Variants in ADARB2 observed in about 807,000 individuals in gnomAD.
The protein encoded by ADARB2 is inactive double-stranded RNA-specific editase B2.
In ADARB2, 25 loss-of-function variants were observed where a neutral mutation model predicts 62.2. The observed-to-expected ratio is 0.40, with a 90% confidence interval of 0.29 to 0.56. The LOEUF (loss-of-function observed/expected upper bound fraction) is 0.56. Ranked by LOEUF, ADARB2 falls within the 20% of genes least tolerant of loss-of-function variation. The probability of loss-of-function intolerance (pLI) is 0.43; values close to 1 mark genes in which losing one functional copy is unlikely to be tolerated. For missense variants in ADARB2, 1,071 were observed against 1,077.4 expected (o/e 0.99, Z 0.08); for synonymous variants, 572 against 500.8 (o/e 1.14, Z -1.90).
intron 1 of ADARB2, among the ~76,000 whole-genome samples, chr10:1,735,307 T>A (rs1835287503): frequency 6.6e-6 from 1 of 152,210 alleles, no homozygotes; most frequent in African/African-American, 2.4e-5. Context: ...ATGAAGTCTT[T>A]CCCCAGATTT....
chr10:1,325,137 C>T (rs1831832770), intron 3 of ADARB2, among the ~76,000 whole-genome samples: 1 of 152,190 alleles, frequency 6.6e-6, no homozygotes, highest in Non-Finnish European at 1.5e-5. Flanking sequence ...GTGTCTGCTC[C>T]ACATGCTGCT....
intron 6 of ADARB2, among the ~76,000 whole-genome samples, chr10:1,227,137 C>A (rs1368517337): frequency 6.6e-6 from 1 of 152,246 alleles, no homozygotes; most frequent in Non-Finnish European, 1.5e-5. Flanking sequence ...CTCACTGCCG[C>A]CTTGCAGTTT....
At chr10:1,187,475 G>C (rs1461265703) in intron 8 of ADARB2, among the ~76,000 whole-genome samples, 6 of 152,270 alleles carry the variant, frequency 3.9e-5, no homozygotes, top group Non-Finnish European at 8.8e-5. Flanking sequence ...GAGGTGCCAA[G>C]CTGCAAAGTC....
chr10:1,216,751 A>T (rs1371655196), intron 7 of ADARB2, 200 bp downstream of exon 7: 2 of 712,462 alleles, frequency 2.8e-6, no homozygotes, highest in Non-Finnish European at 4.5e-6. Context: ...TTGCTCCCTC[A>T]GGGACTCGGG....
At chr10:1,279,044 T>A (rs938256496) in intron 3 of ADARB2, among the ~76,000 whole-genome samples, 4 of 152,166 alleles carry the variant, frequency 2.6e-5, no homozygotes, top group African/African-American at 9.7e-5. Flanking sequence ...TTATCAGCAT[T>A]TTTTTCCCCA....
At chr10:1,474,409 C>T (rs1831371130) in intron 1 of ADARB2, among the ~76,000 whole-genome samples, 2 of 152,164 alleles carry the variant, frequency 1.3e-5, no homozygotes, top group Non-Finnish European at 2.9e-5. Context: ...GCCCGGTCTA[C>T]ATTGGGGGTC....
Position 1,728,592 on chromosome 10 carries a change from C to G in ADARB2, c.100+8459G>C, listed in dbSNP as rs574397301. 1.1e-3 allele frequency among the ~76,000 whole-genome samples: 173 copies of G among 152,322 alleles called. 1 individual carries two copies. Among genetic ancestry groups the G allele is most frequent in the African/African-American group, 4.0e-3 (165 of 41,564 alleles). ...ATGCCTTCTATTCATTACCCACATA[C>G]AAGAGCCCCTGTCATGATTTAACTT... On this transcript the variant is annotated intron_variant, in intron 1 of 9. Coordinates refer to ENST00000381312, the MANE Select transcript of ADARB2 (RefSeq NM_018702.4).
chr10:1,733,349 G>C (rs1197396082), intron 1 of ADARB2, among the ~76,000 whole-genome samples: 1 of 151,942 alleles, frequency 6.6e-6, no homozygotes, highest in East Asian at 1.9e-4. Flanking sequence ...CACAGTAATG[G>C]GTAGAAGATT....
intron 3 of ADARB2, 140 bp downstream of exon 3, chr10:1,362,888 G>A: frequency 2.3e-6 from 2 of 852,986 alleles, no homozygotes; most frequent in Non-Finnish European, 3.1e-6. Flanking sequence ...CACCAGGCCG[G>A]GAGACATTCT....
intron 1 of ADARB2, among the ~76,000 whole-genome samples, chr10:1,725,289 G>A (rs1016656500): frequency 1.3e-5 from 2 of 152,176 alleles, no homozygotes; most frequent in African/African-American, 2.4e-5. Context: ...GAGTGGTCTC[G>A]CGATGTCACA....
At chr10:1,264,569 G>C (rs1008017543) in intron 4 of ADARB2, among the ~76,000 whole-genome samples, 6 of 152,182 alleles carry the variant, frequency 3.9e-5, no homozygotes, top group South Asian at 2.1e-4. Context: ...CCGAAAGCGT[G>C]GCACAGACAG....
At chr10:1,407,341 G>C (rs1166239698) in intron 1 of ADARB2, among the ~76,000 whole-genome samples, 1 of 152,194 alleles carries the variant, frequency 6.6e-6, no homozygotes. Context: ...TCCCGGGTCC[G>C]ACGTCTCCGG....
intron 3 of ADARB2, among the ~76,000 whole-genome samples, chr10:1,300,933 C>G (rs908762447): frequency 6.6e-6 from 1 of 152,180 alleles, no homozygotes; most frequent in Admixed American, 6.5e-5. Context: ...CTGTGATTGT[C>G]AGGGTTGTGA....
intron 1 of ADARB2, among the ~76,000 whole-genome samples, chr10:1,638,746 G>T (rs1588333837): frequency 6.6e-6 from 1 of 152,182 alleles, no homozygotes; most frequent in Non-Finnish European, 1.5e-5. Context: ...GGTTCCCACT[G>T]CAGCCAGTCC....
chr10:1,683,925 C>A (rs866862047), intron 1 of ADARB2, among the ~76,000 whole-genome samples: 2 of 152,128 alleles, frequency 1.3e-5, no homozygotes, highest in African/African-American at 2.4e-5. Context: ...CGAAAGGTGC[C>A]CTCTCAAAAG....
intron 1 of ADARB2, among the ~76,000 whole-genome samples, chr10:1,732,282 G>A (rs949280446): frequency 6.9e-6 from 1 of 144,438 alleles, no homozygotes; most frequent in Non-Finnish European, 1.5e-5. Flanking sequence ...AACATTAAAT[G>A]CTTTTAGGGC....
At chr10:1,249,576 A>T (rs1031622696) in intron 4 of ADARB2, among the ~76,000 whole-genome samples, 1 of 152,078 alleles carries the variant, frequency 6.6e-6, no homozygotes, top group African/African-American at 2.4e-5. Flanking sequence ...CAACTCTGTC[A>T]AGTGGAACAG....
chr10:1,514,178 A>ATATATATATATATATATATATATAT (rs1831976214), intron 1 of ADARB2, among the ~76,000 whole-genome samples: 3 of 94,156 alleles, frequency 3.2e-5, no homozygotes, highest in African/African-American at 1.0e-4. Flanking sequence ...GCTGTCTCAA[A>ATATATATATATATATATATATATAT]ATATATATAT....
chr10:1,298,751 T>TAGA, intron 3 of ADARB2, among the ~76,000 whole-genome samples: 1 of 36,692 alleles, frequency 2.7e-5, no homozygotes, highest in African/African-American at 6.2e-5. Context: ...TTTTTTTTTT[T>TAGA]TTTTTTTTTT....
Sources: gnomAD v4.1 joint callset for allele counts (sites outside exome capture counted in the v4.1 genomes callset) on GRCh38, gnomAD v4.1.1 for gene constraint, MANE v1.5 for transcripts, NCBI Gene and HGNC (gene_info 2026-07-23, HGNC 2026-07-21) for gene names.